Variants in TLL2 observed in about 807,000 individuals in gnomAD.
The protein encoded by TLL2 is tolloid like 2.
Under a neutral mutation model 123.0 loss-of-function variants are expected in TLL2, and 106 were observed. That is an observed-to-expected ratio of 0.86 (90% CI 0.74 to 1.01). TLL2 has a LOEUF of 1.01. TLL2 is among the 50% of genes least tolerant of loss of function. TLL2 has a pLI of 0.00. For synonymous variants in TLL2, 494 were observed against 516.8 expected (o/e 0.96, Z 0.60); for missense variants, 1,332 against 1,336.7 (o/e 1.00, Z 0.06).
At chr10:96,476,913 C>A (rs1396125468) in intron 2 of TLL2, among the ~76,000 whole-genome samples, 2 of 151,250 alleles carry the variant, frequency 1.3e-5, no homozygotes, top group African/African-American at 4.9e-5. Context: ...CATGCACACA[C>A]ACAGCCTGAG....
At chr10:96,479,842 T>C (rs1847294158) in intron 2 of TLL2, among the ~76,000 whole-genome samples, 1 of 152,160 alleles carries the variant, frequency 6.6e-6, no homozygotes, top group South Asian at 2.1e-4. Context: ...CCCCCATACT[T>C]TCTGCCTTTG....
chr10:96,505,151 T>G (rs755921185), intron 1 of TLL2, among the ~76,000 whole-genome samples: 1 of 152,324 alleles, frequency 6.6e-6, no homozygotes, highest in Non-Finnish European at 1.5e-5. Context: ...CTTACAATCA[T>G]GGTGGAAGGT....
chr10:96,415,130 G>A (rs1846541389), intron 7 of TLL2, among the ~76,000 whole-genome samples: 2 of 152,112 alleles, frequency 1.3e-5, no homozygotes, highest in Non-Finnish European at 2.9e-5. Context: ...TGGATCTCTA[G>A]GCTGTTTGCT....
chr10:96,383,610 TTCA>T (rs1846204484), intron 16 of TLL2, among the ~76,000 whole-genome samples: 1 of 102,884 alleles, frequency 9.7e-6, no homozygotes. Flanking sequence ...CCTCTTTTTC[TTCA>T]TTTTTTATTT....
intron 1 of TLL2, 95 bp downstream of exon 1, chr10:96,513,416 G>T: frequency 1.3e-6 from 2 of 1,495,348 alleles, no homozygotes; most frequent in South Asian, 2.4e-5. Context: ...GGGGAGGGGA[G>T]ACCCGCCCCA....
intron 7 of TLL2, 42 bp from the exon 8 acceptor site, chr10:96,413,358 A>G (rs1227162769): frequency 6.2e-7 from 1 of 1,600,350 alleles, no homozygotes. Context: ...AGTCAAGGCC[A>G]TCAGGCTGTC....
intron 1 of TLL2, among the ~76,000 whole-genome samples, chr10:96,509,909 T>G (rs1226610986): frequency 6.6e-6 from 1 of 152,184 alleles, no homozygotes; most frequent in East Asian, 1.9e-4. Context: ...ATCAGGCCAC[T>G]GCACTCCAGC....
chr10:96,505,023 A>T (rs917889391), intron 1 of TLL2, among the ~76,000 whole-genome samples: 5 of 117,340 alleles, frequency 4.3e-5, no homozygotes, highest in Non-Finnish European at 7.5e-5. Flanking sequence ...AATAAAAAAT[A>T]AATAAATAAA....
intron 10 of TLL2, among the ~76,000 whole-genome samples, chr10:96,399,612 A>G (rs1190541556): frequency 6.6e-6 from 1 of 152,248 alleles, no homozygotes; most frequent in Non-Finnish European, 1.5e-5. Flanking sequence ...ATTTTCAGTA[A>G]TGGTTTCTCT....
At chr10:96,488,891 T>C (rs1589435144) in intron 1 of TLL2, among the ~76,000 whole-genome samples, 1 of 152,206 alleles carries the variant, frequency 6.6e-6, no homozygotes, top group East Asian at 1.9e-4. Context: ...CTGCCCTTGA[T>C]ACTCTAAATA....
At chr10:96,469,146 G>A in intron 2 of TLL2, among the ~76,000 whole-genome samples, 1 of 152,214 alleles carries the variant, frequency 6.6e-6, no homozygotes, top group East Asian at 1.9e-4. Flanking sequence ...CCCAGCCCTG[G>A]CTCTGGGGCC....
chr10:96,484,876 G>A (rs1024456753), intron 1 of TLL2, among the ~76,000 whole-genome samples: 5 of 152,120 alleles, frequency 3.3e-5, no homozygotes, highest in East Asian at 1.9e-4. Context: ...CATAGTAGGC[G>A]ATTTCCCCAC....
At chr10:96,435,693 C>T (rs1329597593) in intron 3 of TLL2, among the ~76,000 whole-genome samples, 2 of 152,128 alleles carry the variant, frequency 1.3e-5, no homozygotes, top group East Asian at 3.8e-4. Context: ...TCTAACTGTC[C>T]TAGGACCATT....
chr10:96,464,940 C>G (rs1484018309), intron 2 of TLL2, among the ~76,000 whole-genome samples: 1 of 152,190 alleles, frequency 6.6e-6, no homozygotes, highest in Non-Finnish European at 1.5e-5. Context: ...ACAAAAAAAT[C>G]TTAGGATTTT....
At chr10:96,446,259 G>T in intron 2 of TLL2, 91 bp from the exon 3 acceptor site, 2 of 1,221,904 alleles carry the variant, frequency 1.6e-6, no homozygotes, top group South Asian at 2.5e-5. Context: ...GGTCACCTGG[G>T]GAGGATCAGA....
chr10:96,376,914 A>C, intron 17 of TLL2, 95 bp from the exon 18 acceptor site: 1 of 1,351,826 alleles, frequency 7.4e-7, no homozygotes, highest in Non-Finnish European at 9.7e-7. Flanking sequence ...CTCTCTCCTA[A>C]TTGTCTCAGG....
At chr10:96,503,662 C>T (rs1847554575) in intron 1 of TLL2, among the ~76,000 whole-genome samples, 1 of 152,180 alleles carries the variant, frequency 6.6e-6, no homozygotes, top group Non-Finnish European at 1.5e-5. Context: ...CATGCACTGA[C>T]CCTGGGCCTT....
intron 12 of TLL2, 30 bp from the exon 13 acceptor site, chr10:96,395,412 G>A: frequency 6.5e-7 from 1 of 1,539,936 alleles, no homozygotes. Context: ...CAAGGTGGAT[G>A]GCAGATGGTT....
At chr10:96,491,706 C>T (rs776582447) in intron 1 of TLL2, among the ~76,000 whole-genome samples, 35 of 152,114 alleles carry the variant, frequency 2.3e-4, no homozygotes, top group African/African-American at 8.0e-4. Flanking sequence ...ATATCTAATC[C>T]GTCAGTGGTG....
Sources: allele counts gnomAD v4.1 joint callset (sites outside exome capture counted in the v4.1 genomes callset), GRCh38; gene constraint gnomAD v4.1.1; transcripts MANE v1.5; gene names NCBI Gene and HGNC (gene_info 2026-07-23, HGNC 2026-07-21).